The following YEATS2 variants were observed in gnomAD, a reference collection of about 807,000 sequenced individuals.
YEATS2 encodes YEATS domain containing 2.
A neutral mutation model predicts 163.2 loss-of-function variants in YEATS2; 77 were observed. The observed-to-expected ratio is 0.47, with a 90% confidence interval of 0.39 to 0.57. The LOEUF (loss-of-function observed/expected upper bound fraction) is 0.57. Among genes scored for constraint, YEATS2 ranks in the 20% least tolerant of loss-of-function variants. The probability of loss-of-function intolerance (pLI) is 0.00; values close to 1 mark genes in which losing one functional copy is unlikely to be tolerated. For missense variants in YEATS2, 1,549 were observed against 1,729.8 expected (o/e 0.90, Z 1.85); for synonymous variants, 631 against 645.1 (o/e 0.98, Z 0.33).
intron 1 of YEATS2, among the ~76,000 whole-genome samples, chr3:183,709,090 G>A (rs1714916156): frequency 6.6e-6 from 1 of 151,870 alleles, no homozygotes; most frequent in Non-Finnish European, 1.5e-5. Flanking sequence ...AACCCAGGAG[G>A]CAGAGGTTGC....
At chr3:183,803,121 C>A in intron 25 of YEATS2, 135 bp from the exon 26 acceptor site, 1 of 856,488 alleles carries the variant, frequency 1.2e-6, no homozygotes, top group Non-Finnish European at 1.9e-6. Context: ...TGTTAGGCTG[C>A]ATCTGAGCTT....
chr3:183,772,669 A>AGGTTGAT, intron 16 of YEATS2, 106 bp downstream of exon 16: 2 of 1,389,246 alleles, frequency 1.4e-6, no homozygotes, highest in Admixed American at 2.3e-5. Flanking sequence ...AAGCCTAGTT[A>AGGTTGAT]GGTTGATGCT....
intron 1 of YEATS2, among the ~76,000 whole-genome samples, chr3:183,699,586 G>A (rs1467618328): frequency 1.3e-5 from 2 of 151,930 alleles, no homozygotes; most frequent in Admixed American, 6.6e-5. Context: ...GTACGTAGAT[G>A]ATATTCAAAG....
At chr3:183,762,801 C>T (rs557684228) in intron 15 of YEATS2, among the ~76,000 whole-genome samples, 23 of 152,038 alleles carry the variant, frequency 1.5e-4, no homozygotes, top group African/African-American at 5.5e-4. Context: ...CCTGTGATCC[C>T]AGCACTTTAG....
chr3:183,778,111 CAAAAA>C (rs569250141), intron 19 of YEATS2, among the ~76,000 whole-genome samples: 2 of 56,408 alleles, frequency 3.5e-5, no homozygotes, highest in Admixed American at 2.0e-4. Flanking sequence ...GATTCTGTCT[CAAAAA>C]AAAAAAAAAA....
chr3:183,759,094 G>A lies in YEATS2; in HGVS notation c.1656+129G>A, dbSNP rs1233606272. 4 of 606,224 alleles carry A rather than the reference G, an allele frequency of 6.6e-6. No individual in the cohort carries two copies. In the African/African-American group the frequency reaches 7.8e-5, roughly 12 times the overall value. 37.6% of individuals were successfully genotyped at this position (606,224 alleles called of 1,614,324 possible). A position where few individuals can be genotyped will look rare whatever the true frequency, so the allele number is the denominator to read the frequency against. ...CTGTATCGAACTCCTGGCCTCAAGA[G>A]ATCTGCCACCTCACCTGCCAGGGTA... is the stretch of plus-strand genomic sequence containing the variant. On this transcript the variant is annotated intron_variant, in intron 13 of 30. Transcript: ENST00000305135.
At position 183,808,069 on chromosome 3, in the gene YEATS2, G is replaced by T; in HGVS notation, c.4051G>T (p.Val1351Leu). The T allele has an allele frequency of 6.4e-7, 1 of 1,561,470 alleles. No homozygotes were observed. The highest frequency in any genetic ancestry group is 8.7e-7 in the Non-Finnish European group (1 of 1,152,174). Reference protein sequence around the residue: ...TLQPVALHRNVYASVVEDMIL... With the variant: ...TLQPVALHRNLYASVVEDMIL... ...GCAGCCCGTGGCACTCCACAGGAAC[G>T]TGTATGCGTCCGTGGTGGAGGACAT... Residue 1351 changes from valine to leucine, a missense_variant, in exon 29 of 31, where the codon GTG becomes TTG. Transcript: ENST00000305135.
chr3:183,762,823 G>A (rs933828887), intron 15 of YEATS2, among the ~76,000 whole-genome samples: 2 of 151,966 alleles, frequency 1.3e-5, no homozygotes, highest in Non-Finnish European at 2.9e-5. Flanking sequence ...AGGCTGAGGC[G>A]GGCGGATTAC....
At chr3:183,798,846 T>C in intron 22 of YEATS2, 45 bp from the exon 23 acceptor site, 1 of 1,472,876 alleles carries the variant, frequency 6.8e-7, no homozygotes, top group Non-Finnish European at 9.5e-7. Flanking sequence ...TCATTAAAAA[T>C]AATTTTTGTA....
At position 183,772,517 on chromosome 3, in the gene YEATS2, C is replaced by T. The variant is rs774127303; in HGVS notation, c.2160C>T (p.Ala720=). The change falls in exon 16 of 31, where the codon GCC becomes GCT. Residue 720 remains alanine (A), a synonymous_variant. Coordinates refer to ENST00000305135, the MANE Select transcript of YEATS2 (RefSeq NM_018023.5). ...AGCCAGTGCAGACCTTAACCAAGGC[C>T]CAGGTTACTGCCGCTGGTCCTCAGA... ...VAQPVQTLTK[A]QVTAAGPQKS... The T allele has an allele frequency of 4.3e-6, 7 of 1,614,048 alleles. No homozygotes were observed. Among genetic ancestry groups the T allele is most frequent in the Non-Finnish European group, 5.9e-6 (7 of 1,180,030 alleles).
At chr3:183,769,144 G>A (rs1560292249) in intron 15 of YEATS2, among the ~76,000 whole-genome samples, 1 of 152,188 alleles carries the variant, frequency 6.6e-6, no homozygotes, top group Non-Finnish European at 1.5e-5. Context: ...CAGAAAAGTA[G>A]GGAGAAGAGT....
chr3:183,699,668 C>T lies in YEATS2; in HGVS notation c.-20+1675C>T, dbSNP rs1713860362. ...GAAAAGGGCGCAGACACTCAAATAC[C>T]TCTAGGTCTGGTAGAGGAAGAAGGT... On this transcript the variant is annotated intron_variant, in intron 1 of 30. Transcript: ENST00000305135. Among the ~76,000 whole-genome samples, 3 of 151,992 alleles carry T rather than the reference C, an allele frequency of 2.0e-5. No homozygotes were observed. The South Asian group carries it at 6.2e-4, about 32-fold the overall frequency.
intron 13 of YEATS2, 26 bp downstream of exon 13, chr3:183,758,991 C>T (rs762478979): frequency 1.5e-6 from 2 of 1,366,040 alleles, no homozygotes; most frequent in Admixed American, 2.5e-5. Flanking sequence ...CGTTATTACA[C>T]TTTGCTAGCT....
intron 18 of YEATS2, among the ~76,000 whole-genome samples, 165 bp from the exon 19 acceptor site, chr3:183,777,377 T>G (rs1224617058): frequency 2.6e-5 from 4 of 152,222 alleles, no homozygotes; most frequent in Non-Finnish European, 1.5e-5. Context: ...AAGTAACACT[T>G]AGAGCACAAC....
intron 14 of YEATS2, 124 bp from the exon 15 acceptor site, chr3:183,761,973 T>G: frequency 2.3e-6 from 3 of 1,311,404 alleles, no homozygotes; most frequent in Non-Finnish European, 3.2e-6. Flanking sequence ...GGTGGAGTCA[T>G]TCTTTACGTA....
chr3:183,702,928 G>A (rs1483058647), intron 1 of YEATS2, among the ~76,000 whole-genome samples: 2 of 152,138 alleles, frequency 1.3e-5, no homozygotes, highest in Admixed American at 6.6e-5. Flanking sequence ...TAGAGGAGCT[G>A]TTTTATCCTA....
chr3:183,742,296 G>T (rs1719057776), intron 8 of YEATS2, among the ~76,000 whole-genome samples: 1 of 152,178 alleles, frequency 6.6e-6, no homozygotes, highest in African/African-American at 2.4e-5. Flanking sequence ...AGATGGATTT[G>T]GTCAAAGTAA....
intron 19 of YEATS2, among the ~76,000 whole-genome samples, chr3:183,785,443 T>G (rs1302048068): frequency 2.1e-5 from 3 of 145,940 alleles, no homozygotes; most frequent in African/African-American, 5.1e-5. Context: ...AAGCCAAGAT[T>G]GCGCCACTGC....
chr3:183,705,797 T>A (rs1382720909), intron 1 of YEATS2, among the ~76,000 whole-genome samples: 1 of 152,152 alleles, frequency 6.6e-6, no homozygotes. Context: ...CCCAGCACTT[T>A]GGGAGGCCGG....
Sources: allele counts gnomAD v4.1 joint callset (sites outside exome capture counted in the v4.1 genomes callset), GRCh38; gene constraint gnomAD v4.1.1; transcripts MANE v1.5; gene names NCBI Gene and HGNC (gene_info 2026-07-23, HGNC 2026-07-21).